TTLL10: variants seen among roughly 807,000 people sequenced by gnomAD.
The protein encoded by TTLL10 is tubulin tyrosine ligase like 10.
Under a neutral mutation model 69.0 loss-of-function variants are expected in TTLL10, and 61 were observed. The observed-to-expected ratio is 0.88, with a 90% CI of 0.72 to 1.09. The LOEUF (loss-of-function observed/expected upper bound fraction) is 1.09, where lower values mean the gene tolerates loss of function less well. TTLL10 is among the 50% of genes least tolerant of loss of function. TTLL10 has a pLI of 0.00. For missense variants in TTLL10, 962 were observed against 945.9 expected (o/e 1.02, Z -0.22); for synonymous variants, 408 against 393.3 (o/e 1.04, Z -0.44).
At chr1:1,195,341 G>A (rs1484926280) in intron 13 of TTLL10, among the ~76,000 whole-genome samples, 1 of 151,928 alleles carries the variant, frequency 6.6e-6, no homozygotes, top group African/African-American at 2.4e-5. Context: ...TGGCCTATCT[G>A]CAAACAATTC....
rs758944432 is a variant in TTLL10, at chr1:1,175,923, C to T, written c.-28+1434C>T. On this transcript the variant is annotated intron_variant, in intron 3 of 15. Coordinates refer to ENST00000379289, the MANE Select transcript of TTLL10 (RefSeq NM_001130045.2). ...CGGTGGAGAGGCTGCTGCTCCCAGC[C>T]GCTGTGCAGGTGGAGAGAGGCTGAC... 130 of 420,308 alleles carry T rather than the reference C, an allele frequency of 3.1e-4. 1 individual carries two copies. Among genetic ancestry groups the T allele is most frequent in the African/African-American group, 2.5e-3 (101 of 39,880 alleles). The allele number at this position is 420,308 out of a possible 1,614,324, so 26.0% of individuals were successfully genotyped here. A position where few individuals can be genotyped will look rare whatever the true frequency, so the allele number is the denominator to read the frequency against.
At chr1:1,191,742 A>G (rs1647800255) in intron 13 of TTLL10, among the ~76,000 whole-genome samples, 1 of 152,274 alleles carries the variant, frequency 6.6e-6, no homozygotes, top group South Asian at 2.1e-4. Context: ...ATTTACCCAC[A>G]TATTTAGTAA....
Position 1,197,837 on chromosome 1 carries a change from C to T in TTLL10, c.2012C>T (p.Ala671Val), listed in dbSNP as rs959929995. 7.2e-5 allele frequency: 108 copies of T among 1,494,134 alleles called. No homozygotes were observed. In the East Asian group the frequency reaches 2.3e-3, roughly 32 times the overall value. 92.6% of individuals were successfully genotyped at this position (1,494,134 alleles called of 1,614,324 possible). A position where few individuals can be genotyped will look rare whatever the true frequency, so the allele number is the denominator to read the frequency against. The change falls in exon 16 of 16, where the codon GCG becomes GTG. Residue 671 changes from alanine to valine, a missense_variant. By Grantham distance (64) the Ala-to-Val change is moderately conservative (BLOSUM62 0). Transcript: ENST00000379289. ...AKEEREEPEN[A>V]RP is the part of the protein sequence containing the mutation. ...GAGGAACGCGAGGAGCCTGAGAACG[C>T]GAGGCCCTAGGGGCAGCCACCCGCG...
intron 10 of TTLL10, 99 bp from the exon 11 acceptor site, chr1:1,182,777 C>A (rs556698095): frequency 2.8e-6 from 4 of 1,440,188 alleles, no homozygotes; most frequent in Admixed American, 5.1e-5. Flanking sequence ...ATGGCCGGGC[C>A]GAGGGTCGCA....
chr1:1,174,321 T>C lies in TTLL10; in HGVS notation c.-94T>C, dbSNP rs1003602575. 1 of 152,686 alleles carries C rather than the reference T, an allele frequency of 6.5e-6. No homozygotes were observed. Among genetic ancestry groups the C allele is most frequent in the African/African-American group, 2.4e-5 (1 of 41,472 alleles). The allele number at this position is 152,686 out of a possible 1,614,324, so 9.5% of individuals were successfully genotyped here. A position where few individuals can be genotyped will look rare whatever the true frequency, so the allele number is the denominator to read the frequency against. On this transcript the variant is annotated splice_region_variant and 5_prime_UTR_variant, in exon 2 of 16. It removes an upstream start codon present in the reference 5' UTR. Coordinates refer to ENST00000379289, the MANE Select transcript of TTLL10 (RefSeq NM_001130045.2). Reference sequence around the variant, plus strand: ...CGGGAGGCACCAGCTCTTCGAACAATGTCAGTACCTTCCTAGGGCCCCACG... The same window carrying C: ...CGGGAGGCACCAGCTCTTCGAACAACGTCAGTACCTTCCTAGGGCCCCACG...
intron 13 of TTLL10, among the ~76,000 whole-genome samples, chr1:1,189,114 C>A (rs1027050117): frequency 5.9e-5 from 9 of 152,134 alleles, no homozygotes; most frequent in Non-Finnish European, 1.3e-4. Context: ...TTACCTCTTC[C>A]TTTCAAATTT....
At chr1:1,175,976 T>C (rs1184870148) in intron 3 of TTLL10, 1 of 440,430 alleles carries the variant, frequency 2.3e-6, no homozygotes, top group South Asian at 1.6e-5. Context: ...AGGCTGACGC[T>C]GTGCAGGTGG....
chr1:1,179,970 G>A, intron 5 of TTLL10, 64 bp from the exon 6 acceptor site: 1 of 1,455,012 alleles, frequency 6.9e-7, no homozygotes, highest in South Asian at 1.5e-5. Flanking sequence ...AACTGGCTGA[G>A]CCATGTCCGG....
chr1:1,187,375 A>G (rs1647420617), intron 13 of TTLL10, among the ~76,000 whole-genome samples: 1 of 151,980 alleles, frequency 6.6e-6, no homozygotes, highest in African/African-American at 2.4e-5. Context: ...CACGCCTGTA[A>G]TCCCAGCACT....
chr1:1,175,501 C>A (rs1293707279), intron 3 of TTLL10: 2 of 368,114 alleles, frequency 5.4e-6, no homozygotes, highest in African/African-American at 4.3e-5. Flanking sequence ...AGCTGCCCGG[C>A]CTCCCCGGGT....
chr1:1,180,457 G>GCCCCCCCC, intron 6 of TTLL10, 26 bp from the exon 7 acceptor site: 2 of 1,520,750 alleles, frequency 1.3e-6, no homozygotes, highest in Non-Finnish European at 1.8e-6. Context: ...CGGCCCCCAG[G>GCCCCCCCC]TCACCCCCGC....
intron 13 of TTLL10, among the ~76,000 whole-genome samples, chr1:1,191,840 A>G (rs1328543695): frequency 1.3e-5 from 2 of 152,282 alleles, no homozygotes; most frequent in African/African-American, 4.8e-5. Flanking sequence ...GCCAAATTAA[A>G]GGAATAGGTT....
intron 9 of TTLL10, 126 bp from the exon 10 acceptor site, chr1:1,182,234 AC>A (rs1647092957): frequency 1.2e-6 from 1 of 803,120 alleles, no homozygotes; most frequent in African/African-American, 1.7e-5. Flanking sequence ...CACAAGGAGA[AC>A]GGCCGCGGGC....
At chr1:1,177,171 T>C (rs910678051) in intron 3 of TTLL10, among the ~76,000 whole-genome samples, 1 of 151,932 alleles carries the variant, frequency 6.6e-6, no homozygotes, top group Non-Finnish European at 1.5e-5. Context: ...GGTGTGTGTG[T>C]GCATGTCTGT....
chr1:1,180,436 A>G (rs1557476308), intron 6 of TTLL10, 47 bp from the exon 7 acceptor site: 1 of 1,516,850 alleles, frequency 6.6e-7, no homozygotes, highest in Non-Finnish European at 8.9e-7. Flanking sequence ...GCCATCCCCA[A>G]CCCCTTGCCT....
intron 13 of TTLL10, chr1:1,196,394 A>G (rs1648210469): frequency 3.5e-6 from 2 of 571,126 alleles, no homozygotes; most frequent in Admixed American, 2.8e-5. Flanking sequence ...AGTGCCTGAC[A>G]CAGGACAGGA....
chr1:1,180,457 G>GGCCCC, intron 6 of TTLL10, 26 bp from the exon 7 acceptor site: 2 of 1,520,728 alleles, frequency 1.3e-6, no homozygotes, highest in Non-Finnish European at 1.8e-6. Flanking sequence ...CGGCCCCCAG[G>GGCCCC]TCACCCCCGC....
rs141219228 is a variant in TTLL10, at chr1:1,191,820, G to T, written c.1402-4780G>T. Among the ~76,000 whole-genome samples the T allele has an allele frequency of 1.7e-4, 26 of 152,366 alleles. 1 individual carries two copies. The South Asian group carries it at 4.1e-3, about 24-fold the overall frequency. On this transcript the variant is annotated intron_variant, in intron 13 of 15. Coordinates refer to ENST00000379289, the MANE Select transcript of TTLL10 (RefSeq NM_001130045.2). ...ACTAAAAGTATCCCTTACGGGAAAC[G>T]AAGGGATGGGCCAAATTAAAGGAAT... is the stretch of plus-strand genomic sequence containing the variant.
At chr1:1,196,243 G>A (rs970245228) in intron 13 of TTLL10, 9 of 225,666 alleles carry the variant, frequency 4.0e-5, no homozygotes, top group Non-Finnish European at 6.2e-5. Flanking sequence ...GGGGAGCAGA[G>A]GATGAAACCA....
Sources: allele counts gnomAD v4.1 joint callset (sites outside exome capture counted in the v4.1 genomes callset), GRCh38; gene constraint gnomAD v4.1.1; transcripts MANE v1.5; gene names NCBI Gene and HGNC (gene_info 2026-07-23, HGNC 2026-07-21).